Variants in SMPD3 observed in about 807,000 individuals in gnomAD.
The protein encoded by SMPD3 is nSMase-2.
A neutral mutation model predicts 55.7 loss-of-function variants in SMPD3; 21 were observed. The ratio of observed to expected loss-of-function variants is 0.38; its 90% CI spans 0.27 to 0.54. SMPD3 has a LOEUF of 0.54. SMPD3 is among the 20% of genes least tolerant of loss of function. The pLI is 0.80. For synonymous variants in SMPD3, 457 were observed against 404.3 expected (o/e 1.13, Z -1.56); for missense variants, 842 against 899.6 (o/e 0.94, Z 0.82).
At chr16:68,362,178 G>C (rs1261073878) in intron 7 of SMPD3, among the ~76,000 whole-genome samples, 1 of 152,194 alleles carries the variant, frequency 6.6e-6, no homozygotes, top group African/African-American at 2.4e-5. Context: ...AGGGAGCCAG[G>C]AGAGCACCTC....
At chr16:68,379,717 G>A (rs1181434142) in intron 2 of SMPD3, among the ~76,000 whole-genome samples, 1 of 152,198 alleles carries the variant, frequency 6.6e-6, no homozygotes, top group Non-Finnish European at 1.5e-5. Flanking sequence ...GCAGGCAAAG[G>A]GGCCATACAA....
chr16:68,367,004 T>C (rs2089498073), intron 3 of SMPD3, among the ~76,000 whole-genome samples: 1 of 79,292 alleles, frequency 1.3e-5, no homozygotes, highest in Non-Finnish European at 2.4e-5. Flanking sequence ...TGAGACTCTG[T>C]CTCAAAAAAA....
intron 1 of SMPD3, among the ~76,000 whole-genome samples, chr16:68,415,198 G>A (rs763998630): frequency 1.3e-5 from 2 of 152,128 alleles, no homozygotes; most frequent in Non-Finnish European, 2.9e-5. Flanking sequence ...AATCCCATGG[G>A]GAGAGTTCAG....
intron 1 of SMPD3, among the ~76,000 whole-genome samples, chr16:68,403,841 C>T (rs1174849923): frequency 6.6e-6 from 1 of 152,196 alleles, no homozygotes; most frequent in East Asian, 1.9e-4. Flanking sequence ...GTTCCCCACT[C>T]TTGCGTGACA....
At chr16:68,372,702 A>G (rs960197798) in intron 2 of SMPD3, among the ~76,000 whole-genome samples, 1 of 152,210 alleles carries the variant, frequency 6.6e-6, no homozygotes. Context: ...TTGTGGGTGC[A>G]AAGGGAGCAG....
intron 1 of SMPD3, among the ~76,000 whole-genome samples, chr16:68,401,864 C>T (rs1237172741): frequency 6.6e-6 from 1 of 152,218 alleles, no homozygotes; most frequent in Non-Finnish European, 1.5e-5. Context: ...TCCAGTTTAT[C>T]CTCACTTGTC....
rs2089100532 is a variant in SMPD3 at position 68,359,458 on chromosome 16, C to T, written c.*1748G>A. On this transcript the variant is annotated 3_prime_UTR_variant, in exon 9 of 9. Transcript: ENST00000219334. ...CAGGTGAGTTCAGACAGGCCAGTGT[C>T]ACAAGGACGCACGTCCTAGCGCCAG... The T allele has an allele frequency of 6.6e-6, 1 of 152,636 alleles. No homozygotes were observed. The highest frequency in any genetic ancestry group is 6.5e-5 in the Admixed American group (1 of 15,290). The allele number at this position is 152,636 out of a possible 1,614,324, so 9.5% of individuals were successfully genotyped here. A position where few individuals can be genotyped will look rare whatever the true frequency, so the allele number is the denominator to read the frequency against.
intron 1 of SMPD3, among the ~76,000 whole-genome samples, chr16:68,420,295 T>G (rs2090381667): frequency 6.6e-6 from 1 of 152,196 alleles, no homozygotes; most frequent in Non-Finnish European, 1.5e-5. Flanking sequence ...ATCCATTTCA[T>G]TTGAACTTCG....
In SMPD3 at chr16:68,424,107, A is replaced by G. The variant is rs913079209; in HGVS notation, c.-269+24246T>C. On this transcript the variant is annotated intron_variant, in intron 1 of 8. Transcript: ENST00000219334. ...TTAGCCAGGGGGCCTAGGTGGTCCT[A>G]GGGTGCCAGAGGGTCCTAGGCCCCC... is the stretch of plus-strand genomic sequence containing the variant. 1.2e-4 allele frequency among the ~76,000 whole-genome samples: 18 copies of G among 148,908 alleles called. 1 individual carries two copies. The East Asian group carries it at 1.5e-3, about 12-fold the overall frequency.
rs927180056 is a variant in SMPD3, at chr16:68,447,250, C to T, written c.-269+1103G>A. Among the ~76,000 whole-genome samples the T allele has an allele frequency of 6.6e-6, 1 of 152,192 alleles. No homozygotes were observed. Among genetic ancestry groups the T allele is most frequent in the African/African-American group, 2.4e-5 (1 of 41,454 alleles). On this transcript the variant is annotated intron_variant, in intron 1 of 8. Transcript: ENST00000219334. This position sits in a 1 kb window ranked among gnomAD's most constrained non-coding sequence, Gnocchi z 5.1. ...GGTCCCCGAGCCTCGGTTTGGGGTGCGCCCTGCATCGGAGCGGAGCAGCCC... is the reference window on the plus strand; with the variant it reads ...GGTCCCCGAGCCTCGGTTTGGGGTGTGCCCTGCATCGGAGCGGAGCAGCCC...
chr16:68,444,341 T>C (rs1352168685), intron 1 of SMPD3, among the ~76,000 whole-genome samples: 1 of 152,190 alleles, frequency 6.6e-6, no homozygotes, highest in Admixed American at 6.5e-5. Flanking sequence ...GCTGCATTAG[T>C]GCAGTGATTT....
At chr16:68,413,363 G>T (rs1481760778) in intron 1 of SMPD3, among the ~76,000 whole-genome samples, 1 of 152,208 alleles carries the variant, frequency 6.6e-6, no homozygotes. Flanking sequence ...GAAGATAGCT[G>T]CAAGATAGCT....
chr16:68,406,749 C>T (rs2090257477), intron 1 of SMPD3, among the ~76,000 whole-genome samples: 1 of 152,192 alleles, frequency 6.6e-6, no homozygotes, highest in Non-Finnish European at 1.5e-5. Context: ...AGTTCTTTAT[C>T]ATGTGCAAAA....
intron 1 of SMPD3, among the ~76,000 whole-genome samples, chr16:68,420,412 C>G (rs987028153): frequency 6.6e-6 from 1 of 152,220 alleles, no homozygotes; most frequent in Non-Finnish European, 1.5e-5. Flanking sequence ...CAGCCTGGTA[C>G]GGAGCCTATA....
At chr16:68,422,992 T>C (rs11649243) in intron 1 of SMPD3, among the ~76,000 whole-genome samples, 116,964 of 152,102 alleles carry the variant, frequency 0.77, 45,212 homozygotes, top group East Asian at 0.88. Context: ...TTTCCACAGT[T>C]CTCAGCGGGG....
intron 1 of SMPD3, among the ~76,000 whole-genome samples, chr16:68,389,248 T>C (rs1438280635): frequency 6.6e-6 from 1 of 152,202 alleles, no homozygotes. Flanking sequence ...AGCAAGGCAG[T>C]GTCTGGAGCC....
chr16:68,442,665 T>C (rs573950602), intron 1 of SMPD3, among the ~76,000 whole-genome samples: 52 of 152,340 alleles, frequency 3.4e-4, no homozygotes, highest in African/African-American at 1.2e-3. Context: ...AGAAACCATT[T>C]CCTGATCCTG....
At chr16:68,366,635 G>A (rs1461972494) in intron 3 of SMPD3, among the ~76,000 whole-genome samples, 2 of 152,242 alleles carry the variant, frequency 1.3e-5, no homozygotes, top group African/African-American at 2.4e-5. Context: ...GGAGGCCGAG[G>A]CAAGTGGATC....
At position 68,364,939 on chromosome 16, in the gene SMPD3, A is replaced by G. The variant is rs763465553; in HGVS notation, c.1400-33T>C. 5.6e-6 allele frequency: 9 copies of G among 1,612,696 alleles called. No homozygotes were observed. In the Admixed American group the frequency reaches 1.5e-4, roughly 27 times the overall value. On this transcript the variant is annotated intron_variant, in intron 4 of 8. Coordinates refer to ENST00000219334, the MANE Select transcript of SMPD3 (RefSeq NM_018667.4). ...GCAGAAGTACAGAGACTGGATGATG[A>G]AGTTCGCCCCAGACCCCAGCTAGGC...
Sources: gnomAD v4.1 joint callset for allele counts (sites outside exome capture counted in the v4.1 genomes callset) on GRCh38, gnomAD v4.1.1 for gene constraint, Gnocchi (gnomAD v3.1) non-coding constraint, MANE v1.5 for transcripts, NCBI Gene and HGNC (gene_info 2026-07-23, HGNC 2026-07-21) for gene names.